The following CMTM7 variants were observed in gnomAD, a reference collection of about 807,000 sequenced individuals.
CMTM7 encodes CKLF-like MARVEL transmembrane domain-containing protein 7.
Under a neutral mutation model 19.3 loss-of-function variants are expected in CMTM7, and 7 were observed. The observed-to-expected ratio is 0.36, with a 90% CI of 0.21 to 0.68. CMTM7 has a LOEUF of 0.68. Among genes scored for constraint, CMTM7 ranks in the 30% least tolerant of loss-of-function variants. The probability of loss-of-function intolerance (pLI) is 0.60; values close to 1 mark genes in which losing one functional copy is unlikely to be tolerated. For synonymous variants in CMTM7, 87 were observed against 99.3 expected (o/e 0.88, Z 0.74); for missense variants, 193 against 232.6 (o/e 0.83, Z 1.11).
chr3:32,430,681 A>ATGTG (rs35054129), intron 1 of CMTM7, among the ~76,000 whole-genome samples: 1,801 of 134,000 alleles, frequency 0.013, 26 homozygotes, highest in African/African-American at 0.016. Flanking sequence ...CTACATCTGA[A>ATGTG]TGTGTGTGTG....
chr3:32,418,718 G>A (rs1185435890), intron 1 of CMTM7, among the ~76,000 whole-genome samples: 2 of 152,110 alleles, frequency 1.3e-5, no homozygotes, highest in Non-Finnish European at 2.9e-5. Context: ...TATTCATATG[G>A]GTCTATTTCT....
At chr3:32,450,061 A>C (rs1444959120) in intron 3 of CMTM7, among the ~76,000 whole-genome samples, 1 of 152,228 alleles carries the variant, frequency 6.6e-6, no homozygotes, top group African/African-American at 2.4e-5. Context: ...CATAAATAGA[A>C]GTAGATGGAA....
intron 1 of CMTM7, among the ~76,000 whole-genome samples, chr3:32,416,681 C>T (rs12636435): frequency 5.3e-5 from 8 of 152,110 alleles, no homozygotes; most frequent in East Asian, 1.9e-4. Context: ...TGAGCCACCA[C>T]GCCCAACCAT....
intron 1 of CMTM7, among the ~76,000 whole-genome samples, chr3:32,401,300 G>T (rs1695998366): frequency 6.6e-6 from 1 of 152,188 alleles, no homozygotes; most frequent in Non-Finnish European, 1.5e-5. Context: ...TCCCATCCAG[G>T]ACACCTCAAA....
At chr3:32,417,013 A>G (rs1205384835) in intron 1 of CMTM7, among the ~76,000 whole-genome samples, 1 of 152,218 alleles carries the variant, frequency 6.6e-6, no homozygotes, top group Non-Finnish European at 1.5e-5. Flanking sequence ...ATTGAGATAG[A>G]ATTCACATAC....
intron 1 of CMTM7, 122 bp downstream of exon 1, chr3:32,392,187 C>T: frequency 1.3e-6 from 1 of 758,452 alleles, no homozygotes. Flanking sequence ...GCGCAGCGGG[C>T]GGGGCACCGC....
intron 1 of CMTM7, among the ~76,000 whole-genome samples, chr3:32,441,458 G>C (rs539206757): frequency 4.6e-5 from 7 of 152,318 alleles, no homozygotes; most frequent in African/African-American, 1.7e-4. Context: ...GGCCTAATAT[G>C]TAAACCCCAG....
intron 1 of CMTM7, among the ~76,000 whole-genome samples, chr3:32,430,681 ATGTG>A (rs35054129): frequency 7.2e-4 from 97 of 134,008 alleles, no homozygotes; most frequent in East Asian, 2.2e-3. Flanking sequence ...CTACATCTGA[ATGTG>A]TGTGTGTGTG....
chr3:32,438,227 C>T (rs952686189), intron 1 of CMTM7, among the ~76,000 whole-genome samples: 1 of 152,194 alleles, frequency 6.6e-6, no homozygotes, highest in African/African-American at 2.4e-5. Context: ...GATAAACACC[C>T]CAGCGCCTTT....
intron 1 of CMTM7, among the ~76,000 whole-genome samples, chr3:32,399,440 G>T (rs899089273): frequency 6.6e-6 from 1 of 152,140 alleles, no homozygotes; most frequent in Non-Finnish European, 1.5e-5. Context: ...TTCCCAGACT[G>T]GGTGCTGGGG....
intron 1 of CMTM7, among the ~76,000 whole-genome samples, chr3:32,431,016 T>C (rs959365364): frequency 1.3e-5 from 2 of 152,178 alleles, no homozygotes; most frequent in African/African-American, 4.8e-5. Flanking sequence ...GTTTCTGGCA[T>C]GGGAAAACAA....
chr3:32,445,510 G>T (rs1309699330), intron 2 of CMTM7, among the ~76,000 whole-genome samples: 3 of 151,256 alleles, frequency 2.0e-5, no homozygotes, highest in Non-Finnish European at 3.0e-5. Flanking sequence ...ATTGTTTTTT[G>T]TTTTTTTTGT....
chr3:32,392,028 C>T lies in CMTM7; in HGVS notation c.122C>T (p.Pro41Leu). The T allele has an allele frequency of 1.6e-6, 2 of 1,235,404 alleles. No individual in the cohort carries two copies. Among genetic ancestry groups the T allele is most frequent in the Non-Finnish European group, 1.0e-6 (1 of 987,106 alleles). The allele number at this position is 1,235,404 out of a possible 1,614,324, so 76.5% of individuals were successfully genotyped here. A position where few individuals can be genotyped will look rare whatever the true frequency, so the allele number is the denominator to read the frequency against. The change falls in exon 1 of 5, where the codon CCC (proline) becomes CTC (leucine). Residue 41 changes from proline to leucine, a missense_variant. Physicochemically the swap from Pro to Leu is moderately conservative, Grantham distance 98 (BLOSUM62 -3). Transcript: ENST00000334983. ...PLEGLLDLSYPRTHAALLKVA... is the reference protein window; with the variant it reads ...PLEGLLDLSYLRTHAALLKVA... ...GAGGGGCTGCTGGACCTCAGCTACC[C>T]CCGCACCCACGCGGCCCTGCTGAAA...
Position 32,432,955 on chromosome 3 carries a change from C to T in CMTM7, c.160-8885C>T, listed in dbSNP as rs142633920. Among the ~76,000 whole-genome samples, 699 of 152,288 alleles carry T rather than the reference C, an allele frequency of 4.6e-3. 6 individuals are homozygous for T. The highest frequency in any genetic ancestry group is 5.3e-3 in the Non-Finnish European group (363 of 68,024). On this transcript the variant is annotated intron_variant, in intron 1 of 4. Transcript: ENST00000334983. ...ATGACCGTCCACAGCCCCGTCCTTT[C>T]GCTCCCATGCCTATCTAAAGAATTA...
At chr3:32,432,124 G>A (rs1696528562) in intron 1 of CMTM7, among the ~76,000 whole-genome samples, 1 of 152,202 alleles carries the variant, frequency 6.6e-6, no homozygotes, top group African/African-American at 2.4e-5. Flanking sequence ...TTGCCATCTA[G>A]GTGATCTTCC....
In CMTM7 at chr3:32,419,364, A is replaced by G. The variant is rs564143498; in HGVS notation, c.160-22476A>G. Reference sequence around the variant, plus strand: ...AGTTTTGTTTCTTCCTTTTCAATCCATATGCCTCTATTTCTTTTTCTTACC... The same window carrying G: ...AGTTTTGTTTCTTCCTTTTCAATCCGTATGCCTCTATTTCTTTTTCTTACC... On this transcript the variant is annotated intron_variant, in intron 1 of 4. Coordinates refer to ENST00000334983, the MANE Select transcript of CMTM7 (RefSeq NM_138410.4). Among the ~76,000 whole-genome samples the G allele has an allele frequency of 3.0e-4, 46 of 152,308 alleles. No individual in the cohort carries two copies. In the South Asian group the frequency reaches 4.6e-3, roughly 15 times the overall value.
At chr3:32,409,038 T>C (rs1696133949) in intron 1 of CMTM7, among the ~76,000 whole-genome samples, 1 of 152,070 alleles carries the variant, frequency 6.6e-6, no homozygotes, top group Non-Finnish European at 1.5e-5. Flanking sequence ...CGCGCCACCA[T>C]GCCCAGCTAA....
chr3:32,415,897 G>A (rs1210073186), intron 1 of CMTM7, among the ~76,000 whole-genome samples: 1 of 152,218 alleles, frequency 6.6e-6, no homozygotes, highest in Non-Finnish European at 1.5e-5. Flanking sequence ...GTCTGCATGA[G>A]GAGAGAGCCC....
intron 1 of CMTM7, among the ~76,000 whole-genome samples, chr3:32,425,364 T>C (rs1182982845): frequency 6.6e-6 from 1 of 152,170 alleles, no homozygotes; most frequent in Non-Finnish European, 1.5e-5. Flanking sequence ...TTTTATTTTG[T>C]TATTGACCTC....
Sources: allele counts gnomAD v4.1 joint callset (sites outside exome capture counted in the v4.1 genomes callset), GRCh38; gene constraint gnomAD v4.1.1; transcripts MANE v1.5; gene names NCBI Gene and HGNC (gene_info 2026-07-23, HGNC 2026-07-21).